Variants in KCNIP4 observed in about 807,000 individuals in gnomAD.
KCNIP4 encodes the protein Kv channel-interacting protein 4.
In KCNIP4, 12 loss-of-function variants were observed where a neutral mutation model predicts 34.0. That is an observed-to-expected ratio of 0.35 (90% confidence interval 0.23 to 0.57). KCNIP4 has a LOEUF of 0.57. Among genes scored for constraint, KCNIP4 ranks in the 20% least tolerant of loss-of-function variants. The pLI is 0.83. For missense variants in KCNIP4, 238 were observed against 311.7 expected, an observed-to-expected ratio of 0.76 and a Z score of 1.78; for synonymous variants, 124 against 102.2, an observed-to-expected ratio of 1.21 and a Z score of -1.29.
At chr4:20,856,228 C>T (rs1436059429) in intron 2 of KCNIP4, among the ~76,000 whole-genome samples, 2 of 152,180 alleles carry the variant, frequency 1.3e-5, no homozygotes, top group Non-Finnish European at 1.5e-5. Context: ...TAGATAATAT[C>T]GAATAGAAAG....
At chr4:21,894,401 T>A (rs1727266833) in intron 1 of KCNIP4, among the ~76,000 whole-genome samples, 1 of 152,098 alleles carries the variant, frequency 6.6e-6, no homozygotes, top group South Asian at 2.1e-4. Context: ...TCTCCTCAAA[T>A]TTTTCTTAGA....
chr4:21,823,506 C>T (rs1389092717), intron 1 of KCNIP4, among the ~76,000 whole-genome samples: 2 of 119,780 alleles, frequency 1.7e-5, no homozygotes, highest in Admixed American at 2.0e-4. Context: ...TTTGTTCTGT[C>T]TTAAAAAAAA....
chr4:21,106,657 T>G (rs139679882), intron 1 of KCNIP4, among the ~76,000 whole-genome samples: 2,231 of 151,686 alleles, frequency 0.015, 34 homozygotes, highest in Non-Finnish European at 0.024. Context: ...ATGTGTTTGC[T>G]CTTGCTTTTC....
intron 1 of KCNIP4, among the ~76,000 whole-genome samples, chr4:21,924,755 G>A (rs1446227269): frequency 6.6e-6 from 1 of 152,102 alleles, no homozygotes; most frequent in Admixed American, 6.5e-5. Flanking sequence ...ACAGTGGAAA[G>A]AGTTATTCAG....
At chr4:20,751,772 A>T (rs1753681106) in intron 4 of KCNIP4, among the ~76,000 whole-genome samples, 1 of 152,216 alleles carries the variant, frequency 6.6e-6, no homozygotes, top group Admixed American at 6.5e-5. Context: ...AAAGCTTGAT[A>T]TGTGGGAATT....
chr4:21,790,348 A>G (rs940443279), intron 1 of KCNIP4, among the ~76,000 whole-genome samples: 1 of 152,182 alleles, frequency 6.6e-6, no homozygotes, highest in South Asian at 2.1e-4. Flanking sequence ...AATCTAAGCA[A>G]CCACTTTAAT....
chr4:21,197,943 G>A (rs1756175309), intron 1 of KCNIP4, among the ~76,000 whole-genome samples: 2 of 152,102 alleles, frequency 1.3e-5, no homozygotes, highest in African/African-American at 2.4e-5. Context: ...CAAAATCTTA[G>A]AATGAGAAAT....
intron 2 of KCNIP4, among the ~76,000 whole-genome samples, chr4:20,865,985 A>G (rs1389055602): frequency 6.6e-6 from 1 of 151,990 alleles, no homozygotes; most frequent in Non-Finnish European, 1.5e-5. Context: ...TAAAACGTTT[A>G]TACACCTTCT....
chr4:20,931,192 C>CAG (rs1730433063), intron 1 of KCNIP4, among the ~76,000 whole-genome samples: 1 of 151,526 alleles, frequency 6.6e-6, no homozygotes, highest in African/African-American at 2.4e-5. Flanking sequence ...CACACACACA[C>CAG]ACACAGACAC....
chr4:21,731,126 A>AG (rs1715566609), intron 1 of KCNIP4, among the ~76,000 whole-genome samples: 2 of 151,800 alleles, frequency 1.3e-5, no homozygotes, highest in Admixed American at 1.3e-4. Flanking sequence ...AAAAAAAAAA[A>AG]AAAATCCATT....
intron 1 of KCNIP4, among the ~76,000 whole-genome samples, chr4:20,980,005 C>T (rs1457590321): frequency 1.3e-5 from 2 of 152,190 alleles, no homozygotes; most frequent in Non-Finnish European, 2.9e-5. Flanking sequence ...GAATCTTCTT[C>T]CTGGATTTTC....
intron 1 of KCNIP4, among the ~76,000 whole-genome samples, chr4:21,071,051 T>C (rs191641393): frequency 8.5e-4 from 130 of 152,156 alleles, no homozygotes; most frequent in African/African-American, 2.8e-3. Flanking sequence ...CTTCTCCCAG[T>C]CTGTTGCTTG....
At chr4:20,746,391 A>C (rs977424232) in intron 5 of KCNIP4, among the ~76,000 whole-genome samples, 11 of 151,948 alleles carry the variant, frequency 7.2e-5, no homozygotes, top group African/African-American at 2.7e-4. Context: ...GGGCTAGGGG[A>C]GGGATAATAT....
At chr4:21,210,487 C>T (rs370223545) in intron 1 of KCNIP4, among the ~76,000 whole-genome samples, 72 of 152,244 alleles carry the variant, frequency 4.7e-4, no homozygotes, top group Admixed American at 3.3e-3. Flanking sequence ...AAAAGAATTA[C>T]CAGTTACATT....
intron 1 of KCNIP4, among the ~76,000 whole-genome samples, chr4:21,100,414 G>A (rs976475016): frequency 2.0e-5 from 3 of 152,104 alleles, no homozygotes; most frequent in Non-Finnish European, 2.9e-5. Flanking sequence ...TTAGCAGGGC[G>A]TGCTGGTATG....
intron 1 of KCNIP4, among the ~76,000 whole-genome samples, chr4:21,016,099 A>G (rs1560648222): frequency 6.7e-6 from 1 of 150,302 alleles, no homozygotes; most frequent in Admixed American, 6.7e-5. Context: ...CAGCAGCTCT[A>G]TCGTCACCTA....
intron 1 of KCNIP4, among the ~76,000 whole-genome samples, chr4:21,945,134 C>CA (rs1730440709): frequency 6.6e-6 from 1 of 152,036 alleles, no homozygotes; most frequent in South Asian, 2.1e-4. Context: ...AATAAAAGGA[C>CA]AAAAAATAGT....
At chr4:21,306,820 AC>A (rs1408152058) in intron 1 of KCNIP4, among the ~76,000 whole-genome samples, 1 of 149,766 alleles carries the variant, frequency 6.7e-6, no homozygotes, top group East Asian at 2.0e-4. Flanking sequence ...GTAGGCAGGA[AC>A]TTTTTTTTTT....
intron 1 of KCNIP4, among the ~76,000 whole-genome samples, chr4:21,874,882 G>T (rs1726019263): frequency 6.6e-6 from 1 of 152,100 alleles, no homozygotes; most frequent in Non-Finnish European, 1.5e-5. Context: ...GAAACAAGGA[G>T]TGTGCCACAT....
Sources: gnomAD v4.1 joint callset for allele counts (sites outside exome capture counted in the v4.1 genomes callset) on GRCh38, gnomAD v4.1.1 for gene constraint, MANE v1.5 for transcripts, NCBI Gene and HGNC (gene_info 2026-07-23, HGNC 2026-07-21) for gene names.